Variants in HTRA1 observed in about 807,000 individuals in gnomAD.
HTRA1 encodes the protein HtrA serine peptidase 1.
A neutral mutation model predicts 49.7 loss-of-function variants in HTRA1; 26 were observed. The ratio of observed to expected loss-of-function variants is 0.52; its 90% confidence interval spans 0.38 to 0.73. The LOEUF is 0.73. Among genes scored for constraint, HTRA1 ranks in the 30% least tolerant of loss-of-function variants. The probability of loss-of-function intolerance (pLI) is 0.00; values close to 1 mark genes in which losing one functional copy is unlikely to be tolerated. For missense variants in HTRA1, 561 were observed against 667.2 expected (o/e 0.84, Z 1.75); for synonymous variants, 291 against 286.9 (o/e 1.01, Z -0.14).
chr10:122,491,616 T>A (rs1424466103), intron 3 of HTRA1, among the ~76,000 whole-genome samples: 2 of 152,246 alleles, frequency 1.3e-5, no homozygotes, highest in Non-Finnish European at 2.9e-5. Flanking sequence ...TCTTTTCCAA[T>A]TTTGAGCCAA....
Position 122,514,434 on chromosome 10 carries a change from T to C in HTRA1, c.*75T>C. 3.4e-6 allele frequency: 5 copies of C among 1,451,078 alleles called. No individual in the cohort carries two copies. Among genetic ancestry groups the C allele is most frequent in the Non-Finnish European group, 4.8e-6 (5 of 1,033,300 alleles). The allele number at this position is 1,451,078 out of a possible 1,614,324, so 89.9% of individuals were successfully genotyped here. A position where few individuals can be genotyped will look rare whatever the true frequency, so the allele number is the denominator to read the frequency against. ...ATGACGGATGAGGACTCTGGGCTGCTGGAATAGGACACTCAAGACTTTTGA... is the reference window on the plus strand; with the variant it reads ...ATGACGGATGAGGACTCTGGGCTGCCGGAATAGGACACTCAAGACTTTTGA... On this transcript the variant is annotated 3_prime_UTR_variant, in exon 9 of 9. Transcript: ENST00000368984.
chr10:122,509,976 C>T, intron 6 of HTRA1, 120 bp from the exon 7 acceptor site: 2 of 815,278 alleles, frequency 2.5e-6, no homozygotes, highest in Admixed American at 1.9e-5. Flanking sequence ...GAGCCGCAAC[C>T]TCAGTGTACC....
chr10:122,505,360 C>T (rs1039649600), intron 3 of HTRA1, among the ~76,000 whole-genome samples: 6 of 152,194 alleles, frequency 3.9e-5, no homozygotes, highest in Non-Finnish European at 1.5e-5. Flanking sequence ...CCCTTTCTCC[C>T]TTCGTGAGCT....
intron 1 of HTRA1, among the ~76,000 whole-genome samples, chr10:122,485,865 G>C (rs2097492882): frequency 6.6e-6 from 1 of 152,246 alleles, no homozygotes; most frequent in Non-Finnish European, 1.5e-5. Context: ...CGCTGTCTCT[G>C]TGTTCTGGCC....
chr10:122,486,739 C>T (rs535024470), intron 1 of HTRA1, among the ~76,000 whole-genome samples: 3 of 149,968 alleles, frequency 2.0e-5, no homozygotes, highest in Admixed American at 6.7e-5. Flanking sequence ...ATGAGAGAGG[C>T]GTGTGTGTGT....
At chr10:122,513,649 A>G (rs2097506626) in intron 8 of HTRA1, among the ~76,000 whole-genome samples, 1 of 150,144 alleles carries the variant, frequency 6.7e-6, no homozygotes, top group Non-Finnish European at 1.5e-5. Context: ...AAAAAAAAAA[A>G]AAAAGAGTGG....
rs1020340975 is a variant in HTRA1, at chr10:122,464,490, T to C, written c.472+2366T>C. On this transcript the variant is annotated intron_variant, in intron 1 of 8. Transcript: ENST00000368984. The surrounding 1 kb of genome is among the most constrained non-coding windows in gnomAD (Gnocchi z 4.8). Reference sequence around the variant, plus strand: ...GCTCTGTAGGGTGTCTGACACCGTTTGCATGTTTGTCTGTCTGGCACATCG... The same window carrying C: ...GCTCTGTAGGGTGTCTGACACCGTTCGCATGTTTGTCTGTCTGGCACATCG... 1.4e-4 allele frequency among the ~76,000 whole-genome samples: 22 copies of C among 152,228 alleles called. No individual in the cohort carries two copies. The highest frequency in any genetic ancestry group is 2.9e-4 in the Non-Finnish European group (20 of 68,040).
At position 122,461,934 on chromosome 10, in the gene HTRA1, G is replaced by T. The variant is rs995687846; in HGVS notation, c.282G>T (p.Gly94=). Residue 94 remains glycine (G), a synonymous_variant, in exon 1 of 9, where the codon GGG becomes GGT. Transcript: ENST00000368984. ...GEGLQCVVPF[G]VPASATVRRR... The stretch of plus-strand genomic sequence containing the variant: ...GGCTGCAGTGCGTGGTGCCCTTCGG[G>T]GTGCCAGCCTCGGCCACGGTGCGGC... 46 of 1,482,804 alleles carry T rather than the reference G, an allele frequency of 3.1e-5. No individual in the cohort carries two copies. The highest frequency in any genetic ancestry group is 4.0e-5 in the Non-Finnish European group (45 of 1,123,496). 91.9% of individuals were successfully genotyped at this position (1,482,804 alleles called of 1,614,324 possible).
intron 3 of HTRA1, among the ~76,000 whole-genome samples, chr10:122,501,582 A>T (rs2097500878): frequency 6.6e-6 from 1 of 151,944 alleles, no homozygotes; most frequent in Non-Finnish European, 1.5e-5. Flanking sequence ...TCCAACCCTG[A>T]CCCCACCGCA....
chr10:122,502,414 T>G (rs1181340935), intron 3 of HTRA1, among the ~76,000 whole-genome samples: 2 of 152,218 alleles, frequency 1.3e-5, no homozygotes, highest in African/African-American at 4.8e-5. Context: ...GTCAGCATCC[T>G]GCCTATGGCT....
At chr10:122,469,580 G>A (rs918147554) in intron 1 of HTRA1, among the ~76,000 whole-genome samples, 3 of 152,230 alleles carry the variant, frequency 2.0e-5, no homozygotes, top group South Asian at 2.1e-4. Context: ...GTGACCCAAA[G>A]AGCCACTGCC....
At chr10:122,481,092 A>G (rs758148958) in intron 1 of HTRA1, among the ~76,000 whole-genome samples, 48 of 152,160 alleles carry the variant, frequency 3.2e-4, no homozygotes, top group Non-Finnish European at 6.0e-4. Flanking sequence ...AGAATAATTT[A>G]TTATTACTTT....
At chr10:122,484,541 C>T (rs1026073326) in intron 1 of HTRA1, among the ~76,000 whole-genome samples, 1 of 152,220 alleles carries the variant, frequency 6.6e-6, no homozygotes, top group Admixed American at 6.5e-5. Flanking sequence ...GACTTGCTTA[C>T]ACCTATGCAG....
In HTRA1 at chr10:122,488,383, C is replaced by A. The variant is rs564006429; in HGVS notation, c.473-519C>A. 2.6e-5 allele frequency among the ~76,000 whole-genome samples: 4 copies of A among 152,162 alleles called. No individual in the cohort carries two copies. The South Asian group carries it at 6.2e-4, about 24-fold the overall frequency. On this transcript the variant is annotated intron_variant, in intron 1 of 8. Transcript: ENST00000368984. ...AGGAGTTCGAGACCAGCCTGGCCAA[C>A]GTGGTGAAACCCGGTCCCTAGTAAA...
chr10:122,488,173 G>A (rs1031202439), intron 1 of HTRA1, among the ~76,000 whole-genome samples: 2 of 152,126 alleles, frequency 1.3e-5, no homozygotes, highest in Non-Finnish European at 2.9e-5. Context: ...AAAAAGCCCC[G>A]GTGCTCTTTG....
At chr10:122,478,146 C>T (rs1273114788) in intron 1 of HTRA1, among the ~76,000 whole-genome samples, 1 of 152,110 alleles carries the variant, frequency 6.6e-6, no homozygotes, top group Non-Finnish European at 1.5e-5. Context: ...AGTAGGAATA[C>T]CTTTGCTGGT....
At chr10:122,485,536 A>G (rs1391703614) in intron 1 of HTRA1, among the ~76,000 whole-genome samples, 1 of 152,194 alleles carries the variant, frequency 6.6e-6, no homozygotes, top group East Asian at 1.9e-4. Flanking sequence ...GGTCCATCTT[A>G]CAGATGAGGA....
At chr10:122,492,565 C>T (rs957040442) in intron 3 of HTRA1, among the ~76,000 whole-genome samples, 4 of 152,142 alleles carry the variant, frequency 2.6e-5, no homozygotes, top group Non-Finnish European at 2.9e-5. Flanking sequence ...AACTCCTGAC[C>T]TCAGGTGATC....
At chr10:122,510,710 A>G (rs750202116) in intron 7 of HTRA1, among the ~76,000 whole-genome samples, 9 of 152,158 alleles carry the variant, frequency 5.9e-5, no homozygotes, top group Admixed American at 4.6e-4. Context: ...ACTGGATGAA[A>G]AATTCTGGTG....
Sources: gnomAD v4.1 joint callset for allele counts (sites outside exome capture counted in the v4.1 genomes callset) on GRCh38, gnomAD v4.1.1 for gene constraint, Gnocchi (gnomAD v3.1) non-coding constraint, MANE v1.5 for transcripts, NCBI Gene and HGNC (gene_info 2026-07-23, HGNC 2026-07-21) for gene names.